The following CAMK1D variants were observed in gnomAD, a reference collection of about 807,000 sequenced individuals.
CAMK1D encodes the protein calcium/calmodulin dependent protein kinase ID.
In CAMK1D, 9 loss-of-function variants were observed where a neutral mutation model predicts 47.7. The ratio of observed to expected loss-of-function variants is 0.19; its 90% confidence interval spans 0.11 to 0.33. The LOEUF is 0.33. CAMK1D is among the 10% of genes least tolerant of loss of function. CAMK1D has a pLI of 1.00. For missense variants in CAMK1D, 291 were observed against 488.7 expected, an observed-to-expected ratio of 0.60 and a Z score of 3.81; for synonymous variants, 184 against 184.9, an observed-to-expected ratio of 0.99 and a Z score of 0.04.
chr10:12,591,744 A>G (rs1838001660), intron 2 of CAMK1D, among the ~76,000 whole-genome samples: 1 of 152,176 alleles, frequency 6.6e-6, no homozygotes, highest in African/African-American at 2.4e-5. Flanking sequence ...CCCAGGCTGG[A>G]GTGCAATGGC....
chr10:12,684,632 G>T (rs1564490480), intron 3 of CAMK1D, among the ~76,000 whole-genome samples: 1 of 152,154 alleles, frequency 6.6e-6, no homozygotes, highest in Non-Finnish European at 1.5e-5. Context: ...ATCACAGTAT[G>T]AATTGAACAA....
Position 12,581,989 on chromosome 10 carries a change from T to G in CAMK1D, c.224+28633T>G, listed in dbSNP as rs567539699. Reference sequence around the variant, plus strand: ...AAGCCAATGTCTAGAGGGGTTTTTTTGATGTTATTTTCTAGAATTTTTATG... The same window carrying G: ...AAGCCAATGTCTAGAGGGGTTTTTTGGATGTTATTTTCTAGAATTTTTATG... On this transcript the variant is annotated intron_variant, in intron 2 of 10. Coordinates refer to ENST00000619168, the MANE Select transcript of CAMK1D (RefSeq NM_153498.4). 2.0e-5 allele frequency among the ~76,000 whole-genome samples: 3 copies of G among 152,294 alleles called. No individual in the cohort carries two copies. The South Asian group carries it at 6.2e-4, about 32-fold the overall frequency.
At chr10:12,548,958 C>T (rs991039289) in intron 1 of CAMK1D, among the ~76,000 whole-genome samples, 2 of 152,206 alleles carry the variant, frequency 1.3e-5, no homozygotes, top group Admixed American at 6.5e-5. Flanking sequence ...TGGGCTCAAA[C>T]GATTCTCCCA....
At chr10:12,658,534 T>C (rs886507815) in intron 2 of CAMK1D, among the ~76,000 whole-genome samples, 2 of 152,126 alleles carry the variant, frequency 1.3e-5, no homozygotes, top group Admixed American at 6.5e-5. Flanking sequence ...ATTTCTGTTT[T>C]TGTGCCCAAA....
chr10:12,771,118 C>G (rs1837018260), intron 5 of CAMK1D, among the ~76,000 whole-genome samples: 1 of 152,086 alleles, frequency 6.6e-6, no homozygotes, highest in Middle Eastern at 3.2e-3. Flanking sequence ...TTAGTAGAGA[C>G]AGGGTTTTGT....
At chr10:12,389,737 C>T (rs945100837) in intron 1 of CAMK1D, among the ~76,000 whole-genome samples, 3 of 152,126 alleles carry the variant, frequency 2.0e-5, no homozygotes, top group African/African-American at 7.2e-5. Flanking sequence ...TCTCTGGACA[C>T]AGTGTCCTTG....
At chr10:12,770,654 A>G (rs2130933638) in intron 5 of CAMK1D, among the ~76,000 whole-genome samples, 1 of 152,236 alleles carries the variant, frequency 6.6e-6, no homozygotes, top group African/African-American at 2.4e-5. Flanking sequence ...GAGTACTATG[A>G]AGAAACTAAA....
At chr10:12,469,089 C>T (rs866848656) in intron 1 of CAMK1D, among the ~76,000 whole-genome samples, 4 of 151,976 alleles carry the variant, frequency 2.6e-5, no homozygotes, top group African/African-American at 4.8e-5. Context: ...TGTAGCTCCC[C>T]GGATAAAGAG....
At chr10:12,707,363 G>T (rs528799240) in intron 3 of CAMK1D, among the ~76,000 whole-genome samples, 57 of 152,220 alleles carry the variant, frequency 3.7e-4, no homozygotes, top group Admixed American at 5.9e-4. Flanking sequence ...TGTTGACTGG[G>T]GTAAAATGTG....
intron 1 of CAMK1D, among the ~76,000 whole-genome samples, chr10:12,463,741 C>G (rs1833507879): frequency 6.6e-6 from 1 of 151,980 alleles, no homozygotes; most frequent in Non-Finnish European, 1.5e-5. Context: ...CCCACCAGGT[C>G]TCATCTTGGA....
intron 1 of CAMK1D, among the ~76,000 whole-genome samples, chr10:12,490,312 C>T (rs372214043): frequency 4.6e-5 from 7 of 152,148 alleles, no homozygotes; most frequent in Non-Finnish European, 7.4e-5. Flanking sequence ...TGGCTGCTTG[C>T]AGGGCGCTGG....
intron 5 of CAMK1D, among the ~76,000 whole-genome samples, chr10:12,789,864 C>G (rs750755062): frequency 6.6e-6 from 1 of 152,242 alleles, no homozygotes; most frequent in Non-Finnish European, 1.5e-5. Context: ...AAAGTCTGTG[C>G]TAAAGACACT....
chr10:12,756,268 C>T (rs1018966717), intron 3 of CAMK1D, among the ~76,000 whole-genome samples: 6 of 152,164 alleles, frequency 3.9e-5, no homozygotes, highest in African/African-American at 1.4e-4. Context: ...TTACAATTAG[C>T]AGTAAATTGT....
At chr10:12,428,868 A>C (rs1262412577) in intron 1 of CAMK1D, among the ~76,000 whole-genome samples, 1 of 152,172 alleles carries the variant, frequency 6.6e-6, no homozygotes, top group Admixed American at 6.5e-5. Context: ...CTGCCTCGCC[A>C]CTGTGTCAGG....
At chr10:12,616,178 A>G (rs1838808811) in intron 2 of CAMK1D, among the ~76,000 whole-genome samples, 1 of 152,164 alleles carries the variant, frequency 6.6e-6, no homozygotes, top group Non-Finnish European at 1.5e-5. Flanking sequence ...GTGTAGTTTC[A>G]TATGAGTGTG....
chr10:12,403,918 A>T (rs540263704), intron 1 of CAMK1D, among the ~76,000 whole-genome samples: 3 of 151,556 alleles, frequency 2.0e-5, no homozygotes, highest in African/African-American at 7.3e-5. Flanking sequence ...CTGGTTTCCC[A>T]GTTCTTGATA....
intron 2 of CAMK1D, among the ~76,000 whole-genome samples, chr10:12,578,570 C>CAAAAAAAAAAA (rs781669327): frequency 2.1e-5 from 2 of 93,312 alleles, no homozygotes; most frequent in East Asian, 3.0e-4. Flanking sequence ...AACTCCATCT[C>CAAAAAAAAAAA]AAAAAAAAAA....
intron 1 of CAMK1D, among the ~76,000 whole-genome samples, chr10:12,399,421 T>C (rs1839090184): frequency 6.6e-6 from 1 of 152,052 alleles, no homozygotes; most frequent in Non-Finnish European, 1.5e-5. Flanking sequence ...GGAGAATCAC[T>C]TGAACTTGGG....
chr10:12,735,238 A>ACC (rs1835128459), intron 3 of CAMK1D, among the ~76,000 whole-genome samples: 1 of 152,196 alleles, frequency 6.6e-6, no homozygotes, highest in East Asian at 1.9e-4. Context: ...GCACTTTGGG[A>ACC]GGCCGAGGCG....
Sources: allele counts gnomAD v4.1 joint callset (sites outside exome capture counted in the v4.1 genomes callset), GRCh38; gene constraint gnomAD v4.1.1; transcripts MANE v1.5; gene names NCBI Gene and HGNC (gene_info 2026-07-23, HGNC 2026-07-21).